DNAJB1: variants seen among roughly 807,000 people sequenced by gnomAD.
DNAJB1 encodes dnaJ homolog subfamily B member 1.
In DNAJB1, 14 loss-of-function variants were observed where a neutral mutation model predicts 24.0. The observed-to-expected ratio is 0.58, with a 90% confidence interval of 0.39 to 0.91. DNAJB1 has a LOEUF of 0.91. Among genes scored for constraint, DNAJB1 ranks in the 40% least tolerant of loss-of-function variants. The pLI is 0.00. For synonymous variants in DNAJB1, 262 were observed against 174.4 expected (o/e 1.50, Z -3.96); for missense variants, 517 against 458.1 (o/e 1.13, Z -1.17).
At chr19:14,546,767 C>G (rs1014564973) in intron 1 of DNAJB1, among the ~76,000 whole-genome samples, 6 of 152,196 alleles carry the variant, frequency 3.9e-5, no homozygotes, top group Admixed American at 2.6e-4. Context: ...TTGCTGCAAC[C>G]TCCACCTCTG....
chr19:14,521,456 A>AAATAATAATAAT (rs111596555), upstream of DNAJB1, among the ~76,000 whole-genome samples: 5,937 of 143,060 alleles, frequency 0.042, 153 homozygotes, highest in Admixed American at 0.047. Context: ...GAGAGTTTCA[A>AAATAATAATAAT]AATAATAATA....
At chr19:14,547,349 T>G (rs1162817161) in intron 1 of DNAJB1, among the ~76,000 whole-genome samples, 1 of 101,066 alleles carries the variant, frequency 9.9e-6, no homozygotes. Flanking sequence ...TGGCCTATTT[T>G]ATTTTATTTT....
At chr19:14,539,450 C>T (rs1047602310) in intron 1 of DNAJB1, among the ~76,000 whole-genome samples, 1 of 152,104 alleles carries the variant, frequency 6.6e-6, no homozygotes, top group Non-Finnish European at 1.5e-5. Context: ...AGGTGCCTGT[C>T]ACAGCTGCCT....
upstream of DNAJB1, among the ~76,000 whole-genome samples, chr19:14,555,143 A>G (rs116736823): frequency 9.2e-3 from 1,388 of 151,624 alleles, 22 homozygotes; most frequent in African/African-American, 0.031. Flanking sequence ...AGTGTAATCA[A>G]TCATGGCTCA....
chr19:14,557,165 G>C (rs1286035367), intron 1 of DNAJB1, among the ~76,000 whole-genome samples: 1 of 90,736 alleles, frequency 1.1e-5, no homozygotes, highest in South Asian at 3.2e-4. Flanking sequence ...TTTGAGACAG[G>C]GTCTTGCTGT....
chr19:14,552,713 C>T (rs1430940783), upstream of DNAJB1, among the ~76,000 whole-genome samples: 1 of 151,780 alleles, frequency 6.6e-6, no homozygotes, highest in Non-Finnish European at 1.5e-5. Context: ...TTTTTTTGTA[C>T]TTTTAGTAGA....
chr19:14,560,265 A>T (rs1410851166), upstream of DNAJB1, among the ~76,000 whole-genome samples: 4 of 152,160 alleles, frequency 2.6e-5, no homozygotes, highest in African/African-American at 9.7e-5. Flanking sequence ...AGCTGGCTGG[A>T]CAGGGAGAGG....
intron 1 of DNAJB1, among the ~76,000 whole-genome samples, chr19:14,547,963 CTTT>C (rs1043298294): frequency 5.6e-5 from 7 of 125,624 alleles, no homozygotes; most frequent in East Asian, 2.3e-4. Context: ...ATGGGCATTT[CTTT>C]TTTTTTTTTT....
At chr19:14,528,487 C>CT (rs2072488466) in intron 1 of DNAJB1, among the ~76,000 whole-genome samples, 2 of 151,956 alleles carry the variant, frequency 1.3e-5, no homozygotes, top group Non-Finnish European at 2.9e-5. Context: ...ATCTGCCCCC[C>CT]TCGGCCTCCC....
At chr19:14,537,701 T>C (rs1210716180) in intron 1 of DNAJB1, among the ~76,000 whole-genome samples, 2 of 151,948 alleles carry the variant, frequency 1.3e-5, no homozygotes, top group Non-Finnish European at 2.9e-5. Flanking sequence ...AATATAGTAA[T>C]CTTCCTAGTA....
chr19:14,522,011 T>C (rs2072366285), upstream of DNAJB1, among the ~76,000 whole-genome samples: 1 of 152,046 alleles, frequency 6.6e-6, no homozygotes, highest in African/African-American at 2.4e-5. Flanking sequence ...TCTCTCCTAA[T>C]GGACATGGTA....
At chr19:14,530,084 C>G (rs2072569284), upstream of DNAJB1, 1 of 357,138 alleles carries the variant, frequency 2.8e-6, no homozygotes, top group African/African-American at 2.1e-5. Flanking sequence ...TCTTGCGCCA[C>G]GCCGCCGTCA....
upstream of DNAJB1, among the ~76,000 whole-genome samples, chr19:14,532,703 A>G (rs529637844): frequency 6.6e-6 from 1 of 152,182 alleles, no homozygotes; most frequent in Non-Finnish European, 1.5e-5. Flanking sequence ...AGCGGATTGC[A>G]TAGCAAGCAG....
At chr19:14,543,416 TATA>T (rs1288137385) in intron 1 of DNAJB1, among the ~76,000 whole-genome samples, 19 of 9,192 alleles carry the variant, frequency 2.1e-3, no homozygotes, top group South Asian at 6.8e-3. Context: ...TATATATATA[TATA>T]TTTTTTTTTT....
intron 1 of DNAJB1, among the ~76,000 whole-genome samples, chr19:14,556,413 A>AAAAAACAAAAAC (rs71166757): frequency 0.32 from 27,422 of 86,450 alleles, 3,394 homozygotes; most frequent in African/African-American, 0.43. Context: ...TCTCTCAAAA[A>AAAAAACAAAAAC]AAAAACAAAA....
chr19:14,531,187 A>G (rs2072639968), upstream of DNAJB1: 1 of 152,068 alleles, frequency 6.6e-6, no homozygotes, highest in Non-Finnish European at 1.5e-5. Flanking sequence ...GGTGACCGCC[A>G]CCATGCCCGG....
chr19:14,549,380 CTT>C (rs1442322141), intron 1 of DNAJB1, among the ~76,000 whole-genome samples: 1 of 151,798 alleles, frequency 6.6e-6, no homozygotes, highest in African/African-American at 2.4e-5. Context: ...GCCCAGCTAA[CTT>C]TTGTATTTGT....
chr19:14,540,716 G>T (rs2073069127), intron 1 of DNAJB1, among the ~76,000 whole-genome samples: 2 of 151,788 alleles, frequency 1.3e-5, no homozygotes, highest in South Asian at 4.2e-4. Context: ...TTTAGTAGAG[G>T]CAAGGTTTCA....
chr19:14,545,415 G>A (rs796989021), intron 1 of DNAJB1, among the ~76,000 whole-genome samples: 3 of 144,654 alleles, frequency 2.1e-5, no homozygotes, highest in South Asian at 4.6e-4. Flanking sequence ...CCTCTGCACC[G>A]CTGTCTCCTC....
Sources: gnomAD v4.1 joint callset for allele counts (sites outside exome capture counted in the v4.1 genomes callset) on GRCh38, gnomAD v4.1.1 for gene constraint, MANE v1.5 for transcripts, NCBI Gene and HGNC (gene_info 2026-07-23, HGNC 2026-07-21) for gene names.